The following PTPRD variants were observed in gnomAD, a reference collection of about 807,000 sequenced individuals.
PTPRD encodes the protein protein tyrosine phosphatase receptor type D.
PTPRD carries 34 observed loss-of-function variants against 214.5 expected under a neutral mutation model. The ratio of observed to expected loss-of-function variants is 0.16; its 90% CI spans 0.12 to 0.21. The LOEUF is 0.21. Ranked by LOEUF, PTPRD falls within the 10% of genes least tolerant of loss-of-function variation. The probability of loss-of-function intolerance (pLI) is 1.00; values close to 1 mark genes in which losing one functional copy is unlikely to be tolerated. For synonymous variants in PTPRD, 1,128 were observed against 845.7 expected (o/e 1.33, Z -5.79); for missense variants, 2,545 against 2,398.7 (o/e 1.06, Z -1.27).
At chr9:9,427,555 C>T (rs1000451239) in intron 8 of PTPRD, among the ~76,000 whole-genome samples, 2 of 152,156 alleles carry the variant, frequency 1.3e-5, no homozygotes, top group South Asian at 2.1e-4. Context: ...TCAGGAAACA[C>T]AGAAAATGCC....
chr9:9,572,542 T>C (rs892096898), intron 8 of PTPRD, among the ~76,000 whole-genome samples: 2 of 143,780 alleles, frequency 1.4e-5, no homozygotes, highest in Admixed American at 7.1e-5. Context: ...ATTGGATATA[T>C]ACAATGGCAT....
At chr9:8,541,437 C>T (rs1371423587) in intron 14 of PTPRD, among the ~76,000 whole-genome samples, 4 of 152,254 alleles carry the variant, frequency 2.6e-5, no homozygotes, top group African/African-American at 4.8e-5. Flanking sequence ...CACTAAGTTG[C>T]CCAGGCTAGT....
At chr9:8,427,324 G>C (rs931284813) in intron 35 of PTPRD, among the ~76,000 whole-genome samples, 2 of 152,092 alleles carry the variant, frequency 1.3e-5, no homozygotes, top group African/African-American at 4.8e-5. Flanking sequence ...ATGTCGACTG[G>C]AAAAAGCAGC....
intron 12 of PTPRD, among the ~76,000 whole-genome samples, chr9:8,640,231 G>T (rs1427958942): frequency 1.3e-5 from 2 of 152,122 alleles, no homozygotes; most frequent in Non-Finnish European, 2.9e-5. Flanking sequence ...GACACGCAGA[G>T]AAGTTTTTGT....
chr9:8,790,375 A>G (rs1485440854), intron 11 of PTPRD, among the ~76,000 whole-genome samples: 2 of 151,162 alleles, frequency 1.3e-5, no homozygotes, highest in East Asian at 3.9e-4. Flanking sequence ...CTTGTCCAAT[A>G]AAGTGTTAGC....
At chr9:9,495,590 G>A (rs996098148) in intron 8 of PTPRD, among the ~76,000 whole-genome samples, 5 of 152,032 alleles carry the variant, frequency 3.3e-5, no homozygotes, top group African/African-American at 4.8e-5. Context: ...ACTAGACCTC[G>A]GGGAAGAGAC....
chr9:10,293,598 T>G (rs1596331904), intron 3 of PTPRD, among the ~76,000 whole-genome samples: 1 of 152,060 alleles, frequency 6.6e-6, no homozygotes, highest in East Asian at 1.9e-4. Flanking sequence ...AACAGTAAGA[T>G]AAAAGGAAGT....
intron 8 of PTPRD, among the ~76,000 whole-genome samples, chr9:9,561,406 C>T (rs2082908293): frequency 6.6e-6 from 1 of 152,144 alleles, no homozygotes. Context: ...TGCAACTGTG[C>T]CTCACGTATT....
intron 9 of PTPRD, among the ~76,000 whole-genome samples, chr9:9,191,283 C>T (rs2099934994): frequency 6.6e-6 from 1 of 152,054 alleles, no homozygotes. Flanking sequence ...TGTCAACAAT[C>T]CTGTGAATGA....
intron 9 of PTPRD, among the ~76,000 whole-genome samples, chr9:9,237,620 C>A (rs918414750): frequency 6.6e-6 from 1 of 152,116 alleles, no homozygotes; most frequent in Non-Finnish European, 1.5e-5. Flanking sequence ...TGAAATCTGA[C>A]AAGAGATTTG....
intron 11 of PTPRD, among the ~76,000 whole-genome samples, chr9:8,755,077 G>A (rs559724464): frequency 6.6e-5 from 10 of 152,214 alleles, no homozygotes; most frequent in African/African-American, 2.4e-4. Context: ...AGGTTGCAGT[G>A]CAAATTAAAA....
chr9:10,197,472 C>T (rs995614923), intron 3 of PTPRD, among the ~76,000 whole-genome samples: 5 of 152,150 alleles, frequency 3.3e-5, no homozygotes, highest in African/African-American at 1.2e-4. Flanking sequence ...GGAGGCATTA[C>T]TCCCTATATA....
intron 18 of PTPRD, 27 bp from the exon 19 acceptor site, chr9:8,523,551 G>A (rs201616915): frequency 2.5e-6 from 4 of 1,612,130 alleles, no homozygotes; most frequent in Non-Finnish European, 2.5e-6. Flanking sequence ...GTTTGATGCA[G>A]AACACAATGA....
chr9:8,988,048 T>G (rs183412479), intron 11 of PTPRD, among the ~76,000 whole-genome samples: 34 of 151,346 alleles, frequency 2.2e-4, no homozygotes, highest in African/African-American at 8.2e-4. Flanking sequence ...AAGGAGGAAG[T>G]TGGGGAGAGA....
At chr9:8,420,420 T>A (rs1311732972) in intron 35 of PTPRD, among the ~76,000 whole-genome samples, 1 of 152,188 alleles carries the variant, frequency 6.6e-6, no homozygotes, top group South Asian at 2.1e-4. Context: ...GTAGCTAAAA[T>A]TTTTAGAATT....
chr9:9,220,310 C>CTTTTTTTTTTTTTTTTTTTTTTTT (rs57322129), intron 9 of PTPRD, among the ~76,000 whole-genome samples: 1 of 117,790 alleles, frequency 8.5e-6, no homozygotes, highest in Non-Finnish European at 1.9e-5. Context: ...CTTGCTTTTG[C>CTTTTTTTTTTTTTTTTTTTTTTTT]TTTTTTTTTA....
At chr9:8,847,696 T>C (rs187109424) in intron 11 of PTPRD, among the ~76,000 whole-genome samples, 2 of 152,224 alleles carry the variant, frequency 1.3e-5, no homozygotes, top group East Asian at 3.9e-4. Flanking sequence ...TAATCAGAAA[T>C]AGTTCTCTGA....
intron 2 of PTPRD, among the ~76,000 whole-genome samples, chr9:10,597,130 C>T (rs62535920): frequency 0.15 from 22,246 of 150,846 alleles, 1,814 homozygotes; most frequent in Non-Finnish European, 0.19. Context: ...ATATGTATGA[C>T]CAAGGATTGC....
intron 3 of PTPRD, among the ~76,000 whole-genome samples, chr9:10,174,128 C>T (rs549970191): frequency 6.6e-6 from 1 of 152,190 alleles, no homozygotes; most frequent in Non-Finnish European, 1.5e-5. Context: ...ATTTCACTCC[C>T]AGAAATATTT....
Sources: allele counts gnomAD v4.1 joint callset (sites outside exome capture counted in the v4.1 genomes callset), GRCh38; gene constraint gnomAD v4.1.1; transcripts MANE v1.5; gene names NCBI Gene and HGNC (gene_info 2026-07-23, HGNC 2026-07-21).